Variants in PTPN20 observed in about 807,000 individuals in gnomAD.
The protein encoded by PTPN20 is tyrosine-protein phosphatase non-receptor type 20.
A neutral mutation model predicts 35.0 loss-of-function variants in PTPN20; 9 were observed. That is an observed-to-expected ratio of 0.26 (90% confidence interval 0.15 to 0.45). The LOEUF is 0.45. Ranked by LOEUF, PTPN20 falls within the 20% of genes least tolerant of loss-of-function variation. The pLI, the probability that PTPN20 is intolerant of heterozygous loss-of-function variation, is 1.00. For synonymous variants in PTPN20, 32 were observed against 100.2 expected, an observed-to-expected ratio of 0.32 and a Z score of 4.06; for missense variants, 111 against 312.5, an observed-to-expected ratio of 0.36 and a Z score of 4.86.
chr10:46,954,458 T>C (rs1384862935), intron 5 of PTPN20, among the ~76,000 whole-genome samples: 4 of 145,754 alleles, frequency 2.7e-5, no homozygotes, highest in Admixed American at 2.1e-4. Flanking sequence ...TAGGTGTCTC[T>C]CTTTTTTTTA....
At chr10:46,933,295 C>CT (rs2040359057) in intron 2 of PTPN20, among the ~76,000 whole-genome samples, 1 of 150,464 alleles carries the variant, frequency 6.6e-6, no homozygotes, top group Non-Finnish European at 1.5e-5. Flanking sequence ...CTCACAGTTA[C>CT]CATTTTCTTT....
intron 7 of PTPN20, among the ~76,000 whole-genome samples, chr10:46,977,463 G>A (rs1449816032): frequency 1.3e-5 from 2 of 152,256 alleles, no homozygotes; most frequent in Admixed American, 6.5e-5. Context: ...CTGATAAGAT[G>A]TAAAGGCATT....
intron 8 of PTPN20, among the ~76,000 whole-genome samples, chr10:46,985,420 A>T (rs1427406024): frequency 6.7e-6 from 1 of 150,002 alleles, no homozygotes; most frequent in Non-Finnish European, 1.5e-5. Context: ...CTTATGATTT[A>T]TAAGTGACAG....
intron 5 of PTPN20, among the ~76,000 whole-genome samples, chr10:46,953,462 AG>A (rs2047458646): frequency 7.1e-6 from 1 of 141,384 alleles, no homozygotes; most frequent in African/African-American, 3.0e-5. Flanking sequence ...ATAAGAGGAA[AG>A]GGAGTGGACA....
rs1461226511 is a variant in PTPN20 at position 46,946,670 on chromosome 10, T to C, written c.335T>C (p.Leu112Pro). The C allele has an allele frequency of 2.5e-6, 4 of 1,602,642 alleles. No homozygotes were observed. The African/African-American group carries it at 4.0e-5, about 16-fold the overall frequency. ...CCATCACAGGCTCTCTCCCCTCTAC[T>C]TTCTGGTATGACATCATCCTATTTG... ...AGPSQALSPL[L>P]SDTRKIVSEG... The change falls in exon 5 of 11, where the codon CTT becomes CCT. Residue 112 changes from leucine to proline, a missense_variant. By Grantham distance (98) the Leu-to-Pro change is moderately conservative (BLOSUM62 -3). Coordinates refer to ENST00000374339, the MANE Select transcript of PTPN20 (RefSeq NM_001042357.5).
chr10:46,939,614 C>A (rs1356919473), intron 2 of PTPN20, among the ~76,000 whole-genome samples: 2 of 148,920 alleles, frequency 1.3e-5, no homozygotes, highest in African/African-American at 5.0e-5. Flanking sequence ...TTTGTAGTTT[C>A]TCTGGGTTTC....
At chr10:46,967,577 T>G (rs1187004945) in intron 6 of PTPN20, among the ~76,000 whole-genome samples, 1 of 150,362 alleles carries the variant, frequency 6.7e-6, no homozygotes, top group African/African-American at 2.5e-5. Context: ...GTTTATATGT[T>G]TTTGTTGTTG....
At chr10:46,994,376 G>C (rs1464614681) in intron 9 of PTPN20, among the ~76,000 whole-genome samples, 1 of 143,354 alleles carries the variant, frequency 7.0e-6, no homozygotes. Context: ...TGGCCCAGGC[G>C]GGAGTGCAGT....
At chr10:46,947,220 A>G (rs1482852419) in intron 5 of PTPN20, among the ~76,000 whole-genome samples, 1 of 140,528 alleles carries the variant, frequency 7.1e-6, no homozygotes, top group Non-Finnish European at 1.6e-5. Context: ...GTGTATATAT[A>G]TATATATATA....
intron 2 of PTPN20, among the ~76,000 whole-genome samples, chr10:46,937,087 G>A (rs1453267803): frequency 6.7e-6 from 1 of 150,232 alleles, no homozygotes; most frequent in Admixed American, 6.6e-5. Flanking sequence ...AGTGCAGGCT[G>A]GATATAATCT....
chr10:46,991,922 G>A (rs2058037928), intron 9 of PTPN20, among the ~76,000 whole-genome samples: 1 of 151,902 alleles, frequency 6.6e-6, no homozygotes, highest in Non-Finnish European at 1.5e-5. Context: ...CATCTTGTAT[G>A]GTATCTCACA....
intron 9 of PTPN20, among the ~76,000 whole-genome samples, chr10:46,998,748 A>G (rs1049827024): frequency 6.6e-6 from 1 of 152,208 alleles, no homozygotes; most frequent in Non-Finnish European, 1.5e-5. Flanking sequence ...TTGTTAAACA[A>G]GATGACACCA....
chr10:46,927,989 G>A (rs1329526830), intron 1 of PTPN20, among the ~76,000 whole-genome samples: 1 of 151,438 alleles, frequency 6.6e-6, no homozygotes, highest in African/African-American at 2.4e-5. Flanking sequence ...ACAGTAGAAG[G>A]TTGTTTGCCT....
intron 5 of PTPN20, among the ~76,000 whole-genome samples, chr10:46,960,681 TTC>T (rs1189115255): frequency 6.6e-6 from 1 of 152,300 alleles, no homozygotes; most frequent in African/African-American, 2.4e-5. Flanking sequence ...GGCAACTTTT[TTC>T]TCTTTTTCTT....
At chr10:46,953,718 A>G (rs1324528021) in intron 5 of PTPN20, among the ~76,000 whole-genome samples, 10 of 144,678 alleles carry the variant, frequency 6.9e-5, no homozygotes, top group Non-Finnish European at 1.5e-4. Flanking sequence ...ACTTTGGTTG[A>G]TTTCCAAATA....
At chr10:46,957,201 CTTTTTGCT>C (rs2135297399) in intron 5 of PTPN20, among the ~76,000 whole-genome samples, 1 of 151,524 alleles carries the variant, frequency 6.6e-6, no homozygotes, top group Admixed American at 6.6e-5. Context: ...GAGATGTTTA[CTTTTTGCT>C]TTCCCCAGTT....
intron 2 of PTPN20, among the ~76,000 whole-genome samples, chr10:46,938,340 C>T (rs1383958352): frequency 1.5e-3 from 156 of 103,552 alleles, no homozygotes; most frequent in African/African-American, 6.6e-3. Flanking sequence ...TGCTCTTCAC[C>T]TTTTTTATAG....
intron 8 of PTPN20, among the ~76,000 whole-genome samples, chr10:46,986,370 G>A (rs1428787547): frequency 6.8e-6 from 1 of 147,640 alleles, no homozygotes; most frequent in Non-Finnish European, 1.5e-5. Context: ...AGTCGACACT[G>A]TGGATTAGAA....
chr10:47,002,349 G>A (rs1216121039), downstream of PTPN20: 2 of 151,648 alleles, frequency 1.3e-5, no homozygotes, highest in East Asian at 3.9e-4. Flanking sequence ...TATTTATCTG[G>A]GCCTTGAAAT....
Sources: gnomAD v4.1 joint callset for allele counts (sites outside exome capture counted in the v4.1 genomes callset) on GRCh38, gnomAD v4.1.1 for gene constraint, MANE v1.5 for transcripts, NCBI Gene and HGNC (gene_info 2026-07-23, HGNC 2026-07-21) for gene names.